CTNNA3: variants seen among roughly 807,000 people sequenced by gnomAD.
The protein encoded by CTNNA3 is catenin alpha 3.
CTNNA3 carries 76 observed loss-of-function variants against 95.7 expected under a neutral mutation model. The observed-to-expected ratio is 0.79, with a 90% CI of 0.66 to 0.96. The LOEUF (loss-of-function observed/expected upper bound fraction) is 0.96. CTNNA3 is among the 40% of genes least tolerant of loss of function. The pLI is 0.00. For missense variants in CTNNA3, 1,191 were observed against 1,089.8 expected, an observed-to-expected ratio of 1.09 and a Z score of -1.31; for synonymous variants, 431 against 374.4, an observed-to-expected ratio of 1.15 and a Z score of -1.74.
At chr10:67,328,808 G>A (rs528589991) in intron 5 of CTNNA3, among the ~76,000 whole-genome samples, 5 of 152,184 alleles carry the variant, frequency 3.3e-5, no homozygotes, top group African/African-American at 9.6e-5. Context: ...ACCTGCCTGC[G>A]TCTAGTTGGT....
At chr10:66,833,740 A>T (rs1282923131) in intron 7 of CTNNA3, among the ~76,000 whole-genome samples, 1 of 152,166 alleles carries the variant, frequency 6.6e-6, no homozygotes, top group African/African-American at 2.4e-5. Context: ...ATCTCAAGTG[A>T]ACTACATATC....
chr10:67,025,634 T>C (rs1193690590), intron 7 of CTNNA3, among the ~76,000 whole-genome samples: 1 of 152,176 alleles, frequency 6.6e-6, no homozygotes, highest in Non-Finnish European at 1.5e-5. Context: ...TTAAAATCTA[T>C]ATAGCAAGTT....
chr10:66,156,756 A>C (rs2084529013), intron 13 of CTNNA3, among the ~76,000 whole-genome samples: 1 of 151,960 alleles, frequency 6.6e-6, no homozygotes, highest in Non-Finnish European at 1.5e-5. Context: ...AATGAGGTGG[A>C]GACTGGTAGG....
intron 9 of CTNNA3, among the ~76,000 whole-genome samples, chr10:66,669,265 C>T (rs895771150): frequency 6.6e-6 from 1 of 151,928 alleles, no homozygotes; most frequent in Non-Finnish European, 1.5e-5. Flanking sequence ...TAAAGTTGCC[C>T]GAGCGTGGTG....
intron 5 of CTNNA3, among the ~76,000 whole-genome samples, chr10:67,270,230 T>G (rs544322498): frequency 6.6e-6 from 1 of 152,198 alleles, no homozygotes; most frequent in East Asian, 1.9e-4. Context: ...GAGAATCTAT[T>G]AGGATAGGCA....
chr10:66,626,918 C>T (rs913724260), intron 9 of CTNNA3, among the ~76,000 whole-genome samples: 1 of 141,392 alleles, frequency 7.1e-6, no homozygotes, highest in Non-Finnish European at 1.5e-5. Context: ...CCATCTCCAA[C>T]ACATACACAC....
At chr10:66,283,235 A>G (rs1468687624) in intron 12 of CTNNA3, among the ~76,000 whole-genome samples, 1 of 151,832 alleles carries the variant, frequency 6.6e-6, no homozygotes, top group East Asian at 1.9e-4. Context: ...TATTCACTCC[A>G]AAGACATAGT....
intron 13 of CTNNA3, among the ~76,000 whole-genome samples, chr10:66,237,142 C>CA (rs1381109222): frequency 1.8e-4 from 28 of 151,602 alleles, no homozygotes; most frequent in Non-Finnish European, 3.5e-4. Flanking sequence ...AATAATAACC[C>CA]AAAAAAAGAA....
intron 9 of CTNNA3, among the ~76,000 whole-genome samples, chr10:66,750,285 T>A (rs1267737570): frequency 1.3e-5 from 2 of 152,248 alleles, no homozygotes; most frequent in African/African-American, 4.8e-5. Context: ...TAAAAAGTTG[T>A]TGCCATTCTC....
intron 14 of CTNNA3, among the ~76,000 whole-genome samples, chr10:66,071,730 C>G (rs2080438055): frequency 6.6e-6 from 1 of 152,118 alleles, no homozygotes; most frequent in Non-Finnish European, 1.5e-5. Context: ...ATGATCTTTA[C>G]CTGACAGGCT....
At chr10:66,670,846 T>A (rs1362686305) in intron 9 of CTNNA3, among the ~76,000 whole-genome samples, 1 of 152,188 alleles carries the variant, frequency 6.6e-6, no homozygotes, top group African/African-American at 2.4e-5. Flanking sequence ...AACCAGAAAT[T>A]GGCAGTTTGA....
chr10:66,870,001 A>G, intron 7 of CTNNA3, among the ~76,000 whole-genome samples: 1 of 152,202 alleles, frequency 6.6e-6, no homozygotes, highest in East Asian at 1.9e-4. Flanking sequence ...TTCACTTCTA[A>G]CATACTACTG....
At chr10:67,681,643 A>G (rs1169325474) in intron 1 of CTNNA3, among the ~76,000 whole-genome samples, 1 of 152,048 alleles carries the variant, frequency 6.6e-6, no homozygotes, top group Non-Finnish European at 1.5e-5. Context: ...TATGTATAAT[A>G]AATTTATAAT....
chr10:66,007,956 CT>C (rs1342159491), intron 15 of CTNNA3, among the ~76,000 whole-genome samples: 4 of 151,784 alleles, frequency 2.6e-5, no homozygotes, highest in Non-Finnish European at 4.4e-5. Flanking sequence ...AGGCCACAGC[CT>C]TTTTCTACAA....
intron 13 of CTNNA3, among the ~76,000 whole-genome samples, chr10:66,208,555 AT>A (rs2087915712): frequency 6.6e-6 from 1 of 152,154 alleles, no homozygotes; most frequent in Admixed American, 6.6e-5. Flanking sequence ...TTTTAAAAAA[AT>A]AAACCTTTCC....
intron 13 of CTNNA3, among the ~76,000 whole-genome samples, chr10:66,275,361 GCC>G (rs34940099): frequency 7.9e-5 from 12 of 152,096 alleles, no homozygotes. Flanking sequence ...CAGGCAATCC[GCC>G]CACCTTGGCC....
chr10:67,690,899 G>T (rs1378483634), intron 1 of CTNNA3, among the ~76,000 whole-genome samples: 1 of 151,756 alleles, frequency 6.6e-6, no homozygotes, highest in Non-Finnish European at 1.5e-5. Flanking sequence ...TCTCCCCACG[G>T]TCTCCCTCTC....
intron 13 of CTNNA3, among the ~76,000 whole-genome samples, chr10:66,169,506 T>C (rs1402509201): frequency 6.6e-6 from 1 of 152,188 alleles, no homozygotes; most frequent in Non-Finnish European, 1.5e-5. Context: ...ATCTTTTTCA[T>C]GTAATGGCTT....
chr10:66,319,191 GAA>G (rs533989675), intron 12 of CTNNA3, among the ~76,000 whole-genome samples: 2 of 151,448 alleles, frequency 1.3e-5, no homozygotes, highest in African/African-American at 4.8e-5. Flanking sequence ...AATCAAATGG[GAA>G]AAAAAATCAA....
Sources: gnomAD v4.1 joint callset for allele counts (sites outside exome capture counted in the v4.1 genomes callset) on GRCh38, gnomAD v4.1.1 for gene constraint, MANE v1.5 for transcripts, NCBI Gene and HGNC (gene_info 2026-07-23, HGNC 2026-07-21) for gene names.